The following DNER variants were observed in gnomAD, a reference collection of about 807,000 sequenced individuals.
The protein encoded by DNER is delta/notch like EGF repeat containing.
A neutral mutation model predicts 78.2 loss-of-function variants in DNER; 33 were observed. That is an observed-to-expected ratio of 0.42 (90% CI 0.32 to 0.56). The LOEUF is 0.56. Ranked by LOEUF, DNER falls within the 20% of genes least tolerant of loss-of-function variation. DNER has a pLI of 0.11. For missense variants in DNER, 918 were observed against 975.3 expected, an observed-to-expected ratio of 0.94 and a Z score of 0.78; for synonymous variants, 417 against 384.8, an observed-to-expected ratio of 1.08 and a Z score of -0.98.
intron 6 of DNER, among the ~76,000 whole-genome samples, chr2:229,499,558 C>G (rs1416954893): frequency 2.0e-5 from 3 of 151,332 alleles, no homozygotes; most frequent in Admixed American, 1.3e-4. Context: ...ACTCTGATCT[C>G]ACATCATATG....
At chr2:229,399,316 A>G (rs890673300) in intron 10 of DNER, among the ~76,000 whole-genome samples, 4 of 151,808 alleles carry the variant, frequency 2.6e-5, no homozygotes, top group Non-Finnish European at 5.9e-5. Context: ...ACACACACAC[A>G]CACACATGCA....
At chr2:229,438,556 T>A (rs11893863) in intron 8 of DNER, among the ~76,000 whole-genome samples, 9,230 of 152,270 alleles carry the variant, frequency 0.061, 957 homozygotes, top group African/African-American at 0.21. Context: ...GTCAGGTGTT[T>A]GGCACACAGT....
At chr2:229,537,275 T>C (rs1024014896) in intron 5 of DNER, among the ~76,000 whole-genome samples, 4 of 152,176 alleles carry the variant, frequency 2.6e-5, no homozygotes, top group Admixed American at 6.5e-5. Flanking sequence ...GCCTGTTTTT[T>C]CTCGTAGTGA....
intron 1 of DNER, among the ~76,000 whole-genome samples, chr2:229,608,829 C>A (rs961329279): frequency 1.3e-5 from 2 of 152,122 alleles, no homozygotes; most frequent in Non-Finnish European, 2.9e-5. Flanking sequence ...ACCAATATGG[C>A]AGAATGATGT....
chr2:229,524,848 G>A lies in DNER; in HGVS notation c.994-11912C>T, dbSNP rs61100612. 5.8e-3 allele frequency among the ~76,000 whole-genome samples: 883 copies of A among 152,314 alleles called. 11 individuals carry two copies. The highest frequency in any genetic ancestry group is 0.02 in the African/African-American group (836 of 41,562). On this transcript the variant is annotated intron_variant, in intron 5 of 12. Coordinates refer to ENST00000341772, the MANE Select transcript of DNER (RefSeq NM_139072.4). ...CTCTGATCGCTCTGGGCCAGGCCGA[G>A]GTCAATCCTGAGTGGCAGCTTTTGT...
At position 229,546,936 on chromosome 2, in the gene DNER, C is replaced by T. The variant is rs1282747560; in HGVS notation, c.993+11G>A. The T allele has an allele frequency of 1.2e-6, 2 of 1,613,816 alleles. No homozygotes were observed. Among genetic ancestry groups the T allele is most frequent in the African/African-American group, 1.3e-5 (1 of 74,918 alleles). On this transcript the variant is annotated intron_variant, in intron 5 of 12. Coordinates refer to ENST00000341772, the MANE Select transcript of DNER (RefSeq NM_139072.4). ...ATATGTGTATTTACAAGCTACCAGG[C>T]ATCCCCTTACCTCTGACGGCTTCGT...
At chr2:229,363,919 A>C (rs1421469149) in intron 12 of DNER, among the ~76,000 whole-genome samples, 1 of 151,350 alleles carries the variant, frequency 6.6e-6, no homozygotes, top group Non-Finnish European at 1.5e-5. Flanking sequence ...CTGGTAAAAA[A>C]GCCCCTCCAG....
intron 7 of DNER, among the ~76,000 whole-genome samples, chr2:229,469,422 C>A (rs771355442): frequency 2.6e-5 from 4 of 152,176 alleles, no homozygotes; most frequent in African/African-American, 9.7e-5. Flanking sequence ...TTATTCTCTG[C>A]GAGGTACTGG....
At chr2:229,465,680 T>C (rs1248338468) in intron 7 of DNER, among the ~76,000 whole-genome samples, 4 of 152,186 alleles carry the variant, frequency 2.6e-5, no homozygotes, top group African/African-American at 9.7e-5. Context: ...TAGTGATTTG[T>C]ATGTATCTTA....
intron 7 of DNER, among the ~76,000 whole-genome samples, chr2:229,471,142 A>G (rs1439541350): frequency 2.0e-5 from 3 of 146,748 alleles, no homozygotes; most frequent in Non-Finnish European, 3.0e-5. Context: ...AGGGTGCTGG[A>G]AAAAAAAAAC....
intron 1 of DNER, among the ~76,000 whole-genome samples, chr2:229,658,254 T>G (rs983552101): frequency 6.6e-6 from 1 of 152,244 alleles, no homozygotes; most frequent in South Asian, 2.1e-4. Flanking sequence ...CAAATTTTAT[T>G]CAAGCATCTT....
intron 10 of DNER, among the ~76,000 whole-genome samples, chr2:229,397,473 A>AAAAAAAAAAAAAAC (rs1559340774): frequency 1.2e-4 from 18 of 150,748 alleles, no homozygotes; most frequent in African/African-American, 3.2e-4. Flanking sequence ...CAAAAAAAAA[A>AAAAAAAAAAAAAAC]AAAAAACTGC....
intron 1 of DNER, among the ~76,000 whole-genome samples, chr2:229,645,118 T>A (rs1379968148): frequency 6.6e-6 from 1 of 152,162 alleles, no homozygotes; most frequent in African/African-American, 2.4e-5. Flanking sequence ...TGCCTAAGCT[T>A]CCTGAGTAGC....
chr2:229,405,965 G>A (rs150725345), intron 10 of DNER, among the ~76,000 whole-genome samples: 1 of 152,232 alleles, frequency 6.6e-6, no homozygotes, highest in East Asian at 1.9e-4. Context: ...GTGTTTATAA[G>A]CAAAACAAAG....
chr2:229,368,294 T>C (rs1692397780), intron 11 of DNER, among the ~76,000 whole-genome samples: 1 of 152,024 alleles, frequency 6.6e-6, no homozygotes, highest in Non-Finnish European at 1.5e-5. Flanking sequence ...ACCTGGGAGA[T>C]GGAGGTTGCA....
chr2:229,537,737 ATTTTTCTT>A (rs1463202754), intron 5 of DNER, among the ~76,000 whole-genome samples: 1 of 151,718 alleles, frequency 6.6e-6, no homozygotes. Flanking sequence ...AGGTCATTTT[ATTTTTCTT>A]TTTTTCTTTT....
chr2:229,451,016 C>G (rs1694444737), intron 7 of DNER, among the ~76,000 whole-genome samples: 1 of 152,210 alleles, frequency 6.6e-6, no homozygotes, highest in Non-Finnish European at 1.5e-5. Flanking sequence ...CCCCCTTTCT[C>G]CCATCGTCCA....
chr2:229,583,908 C>T (rs975132311), intron 4 of DNER, among the ~76,000 whole-genome samples: 3 of 152,142 alleles, frequency 2.0e-5, no homozygotes, highest in Non-Finnish European at 2.9e-5. Flanking sequence ...TGTTCATTCC[C>T]GAAATAAATT....
rs1469011498 is a variant in DNER at position 229,591,841 on chromosome 2, G to A, written c.324C>T (p.Cys108=). ...CGCTGCTGCTGCTGCTGCTGCTGCT[G>A]CAGTTGCCATGGTGACAAGGGTTGC... is the stretch of plus-strand genomic sequence containing the variant. ...CASNPCHHGN[C]SSSSSSSSDG... is the part of the protein sequence containing the mutation. Residue 108 remains cysteine, a synonymous_variant, in exon 2 of 13, where the codon TGC becomes TGT. Coordinates refer to ENST00000341772, the MANE Select transcript of DNER (RefSeq NM_139072.4). This position sits in a 1 kb window ranked among gnomAD's most constrained non-coding sequence, Gnocchi z 4.6. 6.2e-7 allele frequency: 1 copy of A among 1,610,892 alleles called. No individual in the cohort carries two copies. Among genetic ancestry groups the A allele is most frequent in the African/African-American group, 1.3e-5 (1 of 74,902 alleles).
Sources: gnomAD v4.1 joint callset for allele counts (sites outside exome capture counted in the v4.1 genomes callset) on GRCh38, gnomAD v4.1.1 for gene constraint, Gnocchi (gnomAD v3.1) non-coding constraint, MANE v1.5 for transcripts, NCBI Gene and HGNC (gene_info 2026-07-23, HGNC 2026-07-21) for gene names.